ACSBG2: variants seen among roughly 807,000 people sequenced by gnomAD.
ACSBG2 encodes the protein acyl-CoA synthetase bubblegum family member 2.
In ACSBG2, 62 loss-of-function variants were observed where a neutral mutation model predicts 74.7. The observed-to-expected ratio is 0.83, with a 90% CI of 0.68 to 1.03. The LOEUF is 1.03. Among genes scored for constraint, ACSBG2 ranks in the 50% least tolerant of loss-of-function variants. ACSBG2 has a pLI of 0.00. For missense variants in ACSBG2, 730 were observed against 817.6 expected (o/e 0.89, Z 1.31); for synonymous variants, 309 against 294.1 (o/e 1.05, Z -0.52).
intron 2 of ACSBG2, among the ~76,000 whole-genome samples, chr19:6,143,981 G>GT (rs1308695581): frequency 1.6e-5 from 2 of 126,764 alleles, no homozygotes; most frequent in East Asian, 2.3e-4. Flanking sequence ...TTTTGTTGTT[G>GT]TTTTTTTGTT....
chr19:6,173,678 C>T (rs1262137124), intron 7 of ACSBG2, among the ~76,000 whole-genome samples: 1 of 152,188 alleles, frequency 6.6e-6, no homozygotes, highest in African/African-American at 2.4e-5. Flanking sequence ...CAGTTCAAAA[C>T]TTATCCATTT....
chr19:6,170,754 G>A (rs2089943364), intron 7 of ACSBG2, among the ~76,000 whole-genome samples: 1 of 152,084 alleles, frequency 6.6e-6, no homozygotes, highest in African/African-American at 2.4e-5. Context: ...TGTCTATTAG[G>A]TCCATTTGGT....
At chr19:6,184,656 G>A (rs75703388) in intron 10 of ACSBG2, among the ~76,000 whole-genome samples, 2,674 of 150,096 alleles carry the variant, frequency 0.018, 53 homozygotes, top group African/African-American at 0.045. Context: ...TTCAAATAGT[G>A]CTACTCTGTT....
intron 4 of ACSBG2, among the ~76,000 whole-genome samples, chr19:6,155,078 A>G (rs577787518): frequency 6.6e-6 from 1 of 152,298 alleles, no homozygotes; most frequent in South Asian, 2.1e-4. Context: ...GATGAGAGTA[A>G]CCATCTCAAA....
At chr19:6,176,648 T>C (rs1262232191) in intron 7 of ACSBG2, among the ~76,000 whole-genome samples, 1 of 151,842 alleles carries the variant, frequency 6.6e-6, no homozygotes, top group Non-Finnish European at 1.5e-5. Context: ...TTCATCCTCT[T>C]GGGCAGCCCA....
chr19:6,190,213 C>T (rs760867970), intron 13 of ACSBG2: 13 of 207,942 alleles, frequency 6.3e-5, no homozygotes, highest in Non-Finnish European at 1.1e-4. Flanking sequence ...TTGATTCTGC[C>T]GTGCACTTGC....
chr19:6,184,697 TTG>T (rs376569483), intron 10 of ACSBG2, among the ~76,000 whole-genome samples: 47 of 151,500 alleles, frequency 3.1e-4, no homozygotes, highest in African/African-American at 1.1e-3. Flanking sequence ...TCTAAAGAGA[TTG>T]TAGTTGGTTG....
At chr19:6,181,618 T>C (rs1331140373) in intron 8 of ACSBG2, among the ~76,000 whole-genome samples, 2 of 152,156 alleles carry the variant, frequency 1.3e-5, no homozygotes, top group Non-Finnish European at 2.9e-5. Flanking sequence ...CTAGGAAATC[T>C]TTGCCTACTC....
chr19:6,184,868 A>AAAAC (rs2090360957), intron 10 of ACSBG2, among the ~76,000 whole-genome samples: 1 of 141,546 alleles, frequency 7.1e-6, no homozygotes, highest in Non-Finnish European at 1.5e-5. Context: ...AAAAAAAAAA[A>AAAAC]AAAACGAAAA....
intron 1 of ACSBG2, among the ~76,000 whole-genome samples, chr19:6,140,375 T>C (rs565322314): frequency 6.6e-6 from 1 of 152,246 alleles, no homozygotes; most frequent in Admixed American, 6.5e-5. Flanking sequence ...CCGCTACTGA[T>C]GGGTTAAAGA....
intron 1 of ACSBG2, among the ~76,000 whole-genome samples, chr19:6,137,802 C>T (rs1480488820): frequency 2.0e-5 from 3 of 151,982 alleles, no homozygotes; most frequent in South Asian, 4.1e-4. Flanking sequence ...TGCCTGCCGC[C>T]GTGCCTGGCT....
chr19:6,169,499 T>G (rs1368895803), intron 7 of ACSBG2, among the ~76,000 whole-genome samples: 1 of 152,256 alleles, frequency 6.6e-6, no homozygotes, highest in Non-Finnish European at 1.5e-5. Flanking sequence ...AGCCTTGTAG[T>G]ATAATTTGAA....
In ACSBG2 at chr19:6,187,600, GTGAGA is replaced by G; in HGVS notation, c.1686_1690del (p.Met563SerfsTer30). 6.2e-7 allele frequency: 1 copy of G among 1,614,134 alleles called. No homozygotes were observed. The highest frequency in any genetic ancestry group is 1.3e-5 in the African/African-American group (1 of 75,020). On this transcript the variant is annotated frameshift_variant and splice_region_variant, in exon 13 of 15. Transcript: ENST00000588485. LOFTEE classifies it high-confidence loss of function. ...GGTGACAGAGGTGTCTGGGGGCAGT[GTGAGA>G]TGAATCAGATGAGCGGAGAACCTCT...
intron 2 of ACSBG2, among the ~76,000 whole-genome samples, chr19:6,145,061 C>G (rs1274008902): frequency 6.6e-6 from 1 of 152,012 alleles, no homozygotes; most frequent in Non-Finnish European, 1.5e-5. Flanking sequence ...AGCCAAGAGC[C>G]TTTAGAAGCC....
intron 7 of ACSBG2, among the ~76,000 whole-genome samples, chr19:6,172,116 G>C (rs562805227): frequency 2.0e-5 from 3 of 151,882 alleles, no homozygotes; most frequent in South Asian, 2.1e-4. Context: ...CCTTATATTG[G>C]TTTCCAACTT....
At chr19:6,141,981 T>C (rs1302594746) in intron 2 of ACSBG2, among the ~76,000 whole-genome samples, 1 of 152,192 alleles carries the variant, frequency 6.6e-6, no homozygotes, top group Non-Finnish European at 1.5e-5. Flanking sequence ...TCCTCCCACC[T>C]TGGCCTCCCA....
chr19:6,190,885 T>A (rs2090548076), intron 14 of ACSBG2, 193 bp downstream of exon 14: 1 of 476,234 alleles, frequency 2.1e-6, no homozygotes, highest in African/African-American at 2.0e-5. Context: ...GTAGCAGGCT[T>A]CAACTCATGC....
chr19:6,136,248 T>C (rs183870648), intron 1 of ACSBG2, among the ~76,000 whole-genome samples: 1,652 of 152,206 alleles, frequency 0.011, 18 homozygotes, highest in Non-Finnish European at 0.017. Context: ...CCTGCCACCA[T>C]GCCCGGCTAA....
At chr19:6,162,435 TG>T (rs2089654994) in intron 6 of ACSBG2, among the ~76,000 whole-genome samples, 1 of 150,800 alleles carries the variant, frequency 6.6e-6, no homozygotes, top group African/African-American at 2.4e-5. Context: ...GGCGTGGTGG[TG>T]GGCGCCTGTA....
Sources: allele counts gnomAD v4.1 joint callset (sites outside exome capture counted in the v4.1 genomes callset), GRCh38; gene constraint gnomAD v4.1.1; transcripts MANE v1.5; gene names NCBI Gene and HGNC (gene_info 2026-07-23, HGNC 2026-07-21).